ME2: variants seen among roughly 807,000 people sequenced by gnomAD.
ME2 encodes malic enzyme 2, also known as NAD-dependent malic enzyme, mitochondrial.
A neutral mutation model predicts 73.7 loss-of-function variants in ME2; 60 were observed. The ratio of observed to expected loss-of-function variants is 0.81; its 90% CI spans 0.66 to 1.01. ME2 has a LOEUF of 1.01. Ranked by LOEUF, ME2 falls within the 50% of genes least tolerant of loss-of-function variation. The pLI is 0.00. For synonymous variants in ME2, 199 were observed against 236.9 expected (o/e 0.84, Z 1.47); for missense variants, 594 against 705.5 (o/e 0.84, Z 1.79).
At position 50,921,071 on chromosome 18, in the gene ME2, C is replaced by CATAAAG; in HGVS notation, c.943-2_943-1insTAAAGA. 6.7e-7 allele frequency: 1 copy of CATAAAG among 1,485,892 alleles called. No homozygotes were observed. The highest frequency in any genetic ancestry group is 9.2e-7 in the Non-Finnish European group (1 of 1,089,802). 92.0% of individuals were successfully genotyped at this position (1,485,892 alleles called of 1,614,324 possible). A position where few individuals can be genotyped will look rare whatever the true frequency, so the allele number is the denominator to read the frequency against. On this transcript the variant is annotated splice_polypyrimidine_tract_variant and splice_region_variant and intron_variant, in intron 9 of 15. Coordinates refer to ENST00000321341, the MANE Select transcript of ME2 (RefSeq NM_002396.5). ...ATATTAAAATTTATGTTTTGTTGAA[C>CATAAAG]AGGCTGCTCTTGGAATTGCAAATCT...
chr18:50,911,091 A>G (rs754013517), intron 3 of ME2, among the ~76,000 whole-genome samples: 12 of 152,234 alleles, frequency 7.9e-5, no homozygotes, highest in Non-Finnish European at 1.5e-4. Context: ...AAGACTGACT[A>G]AAGTGAAATA....
At chr18:50,908,786 G>A (rs113584452) in intron 3 of ME2, among the ~76,000 whole-genome samples, 1,869 of 151,700 alleles carry the variant, frequency 0.012, 13 homozygotes, top group Middle Eastern at 0.027. Context: ...GATTACAGGC[G>A]CCCACCACCA....
At chr18:50,887,388 A>G (rs1391955704) in intron 1 of ME2, among the ~76,000 whole-genome samples, 1 of 152,206 alleles carries the variant, frequency 6.6e-6, no homozygotes, top group Non-Finnish European at 1.5e-5. Context: ...CAAACACAGT[A>G]CATGAATACT....
At chr18:50,945,920 T>G (rs1366018644) in intron 15 of ME2, among the ~76,000 whole-genome samples, 1 of 152,004 alleles carries the variant, frequency 6.6e-6, no homozygotes. Context: ...TACAAAAATT[T>G]ACCAGGCATG....
chr18:50,944,459 A>G (rs1918037695), intron 15 of ME2, among the ~76,000 whole-genome samples: 1 of 152,090 alleles, frequency 6.6e-6, no homozygotes, highest in African/African-American at 2.4e-5. Flanking sequence ...CCCCACCCCA[A>G]ATAGCCACTG....
At chr18:50,890,379 G>A (rs1447360967) in intron 1 of ME2, among the ~76,000 whole-genome samples, 1 of 152,108 alleles carries the variant, frequency 6.6e-6, no homozygotes, top group Non-Finnish European at 1.5e-5. Context: ...CTCCCAAAGT[G>A]GTGGGATTCC....
chr18:50,911,891 C>T (rs1038116279), intron 3 of ME2, among the ~76,000 whole-genome samples: 1 of 152,024 alleles, frequency 6.6e-6, no homozygotes, highest in South Asian at 2.1e-4. Context: ...TGAATTGGAG[C>T]GTAGGAGGAA....
At chr18:50,893,090 A>C (rs757535369) in intron 1 of ME2, among the ~76,000 whole-genome samples, 1 of 134,962 alleles carries the variant, frequency 7.4e-6, no homozygotes, top group Admixed American at 8.6e-5. Flanking sequence ...GTGCCATTGC[A>C]CTCCAGCCTG....
intron 2 of ME2, among the ~76,000 whole-genome samples, chr18:50,902,191 A>T (rs908661902): frequency 2.0e-5 from 3 of 152,170 alleles, no homozygotes; most frequent in Non-Finnish European, 4.4e-5. Context: ...TATTTTGTAG[A>T]TTCCATCCCT....
rs538180646 is a variant in ME2 at position 50,891,808 on chromosome 18, C to T, written c.-12-4001C>T. Among the ~76,000 whole-genome samples the T allele has an allele frequency of 2.6e-5, 4 of 151,340 alleles. No homozygotes were observed. The South Asian group carries it at 6.3e-4, about 24-fold the overall frequency. On this transcript the variant is annotated intron_variant, in intron 1 of 15. Coordinates refer to ENST00000321341, the MANE Select transcript of ME2 (RefSeq NM_002396.5). ...ACCAGGACGCCCACCTGGAATTGGACTTATAATTTTTTTTTTTTTTTTTGA... is the reference window on the plus strand; with the variant it reads ...ACCAGGACGCCCACCTGGAATTGGATTTATAATTTTTTTTTTTTTTTTTGA...
chr18:50,898,704 A>T (rs994012689), intron 2 of ME2, among the ~76,000 whole-genome samples: 1 of 152,176 alleles, frequency 6.6e-6, no homozygotes, highest in African/African-American at 2.4e-5. Context: ...AACTGTTGGG[A>T]TTACAGGCAT....
At chr18:50,932,161 G>T in intron 12 of ME2, 97 bp from the exon 13 acceptor site, 2 of 908,326 alleles carry the variant, frequency 2.2e-6, no homozygotes, top group Non-Finnish European at 3.5e-6. Context: ...TAATATATTG[G>T]TCTATTTTAC....
At chr18:50,911,312 A>G (rs1466466432) in intron 3 of ME2, among the ~76,000 whole-genome samples, 2 of 152,140 alleles carry the variant, frequency 1.3e-5, no homozygotes, top group Admixed American at 1.3e-4. Context: ...TTCTTCCACT[A>G]TTAGCTATGT....
chr18:50,940,018 T>A (rs1917909635), intron 14 of ME2: 4 of 455,310 alleles, frequency 8.8e-6, no homozygotes, highest in Non-Finnish European at 1.5e-5. Flanking sequence ...ATACAATTAA[T>A]GTCTGTTTTC....
intron 5 of ME2, chr18:50,917,072 T>A: frequency 4.0e-6 from 1 of 249,342 alleles, no homozygotes; most frequent in African/African-American, 2.2e-5. Context: ...ATATTTAATC[T>A]TTCTGAAGAT....
chr18:50,921,188 G>A lies in ME2; in HGVS notation c.1056+1G>A, dbSNP rs779068534. On this transcript the variant is annotated splice_donor_variant, in intron 10 of 15. Transcript: ENST00000321341. LOFTEE classifies it high-confidence loss of function. ...TGACAAGTATGGTTTATTAGTTAAG[G>A]TAAGGTATTTAAAATTTGGAGAAGC... is the stretch of plus-strand genomic sequence containing the variant. 1 of 1,469,096 alleles carries A rather than the reference G, an allele frequency of 6.8e-7. No individual in the cohort carries two copies. The highest frequency in any genetic ancestry group is 9.3e-7 in the Non-Finnish European group (1 of 1,075,632). The allele number at this position is 1,469,096 out of a possible 1,614,324, so 91.0% of individuals were successfully genotyped here.
At chr18:50,931,439 C>G (rs1384096105) in intron 12 of ME2, among the ~76,000 whole-genome samples, 1 of 152,092 alleles carries the variant, frequency 6.6e-6, no homozygotes, top group African/African-American at 2.4e-5. Context: ...ATATTAAAGC[C>G]TTAGTTTTCT....
chr18:50,898,470 G>A (rs997548035), intron 2 of ME2, among the ~76,000 whole-genome samples: 1 of 151,966 alleles, frequency 6.6e-6, no homozygotes, highest in Non-Finnish European at 1.5e-5. Flanking sequence ...TCACTCTGTT[G>A]CCCAGGCTGG....
chr18:50,939,059 T>C (rs1379073986), intron 13 of ME2: 1 of 149,938 alleles, frequency 6.7e-6, no homozygotes, highest in Non-Finnish European at 1.5e-5. Flanking sequence ...GCGCTAAATA[T>C]TTACTCCTAC....
Sources: gnomAD v4.1 joint callset for allele counts (sites outside exome capture counted in the v4.1 genomes callset) on GRCh38, gnomAD v4.1.1 for gene constraint, MANE v1.5 for transcripts, NCBI Gene and HGNC (gene_info 2026-07-23, HGNC 2026-07-21) for gene names.